SEPTIN9: variants seen among roughly 807,000 people sequenced by gnomAD.
SEPTIN9 encodes septin-9.
Under a neutral mutation model 56.6 loss-of-function variants are expected in SEPTIN9, and 13 were observed. That is an observed-to-expected ratio of 0.23 (90% confidence interval 0.15 to 0.37). The LOEUF (loss-of-function observed/expected upper bound fraction) is 0.37. Among genes scored for constraint, SEPTIN9 ranks in the 10% least tolerant of loss-of-function variants. The pLI is 1.00. For missense variants in SEPTIN9, 650 were observed against 823.1 expected (o/e 0.79, Z 2.57); for synonymous variants, 332 against 334.1 (o/e 0.99, Z 0.07).
Position 77,329,650 on chromosome 17 carries a change from A to G in SEPTIN9, c.76+22453A>G, listed in dbSNP as rs2033272670. 1.3e-5 allele frequency among the ~76,000 whole-genome samples: 2 copies of G among 152,026 alleles called. No individual in the cohort carries two copies. Among genetic ancestry groups the G allele is most frequent in the Non-Finnish European group, 2.9e-5 (2 of 67,982 alleles). On this transcript the variant is annotated intron_variant, in intron 2 of 11. Transcript: ENST00000427177. This position sits in a 1 kb window ranked among gnomAD's most constrained non-coding sequence, Gnocchi z 4.3. ...CAGGGACATGGTGAGCCCTGGTGTG[A>G]TGCACTTAACACCTGCTGGTGCCCC...
At chr17:77,431,754 C>T (rs762482408) in intron 3 of SEPTIN9, among the ~76,000 whole-genome samples, 25 of 147,556 alleles carry the variant, frequency 1.7e-4, no homozygotes, top group Non-Finnish European at 3.1e-4. Flanking sequence ...AGCTTGAGCC[C>T]GGGAGGTAGA....
chr17:77,482,692 G>T, intron 4 of SEPTIN9: 1 of 595,600 alleles, frequency 1.7e-6, no homozygotes, highest in Non-Finnish European at 3.0e-6. Flanking sequence ...CTCCAGCCTG[G>T]CCCTCCAGGC....
chr17:77,373,115 G>A, intron 2 of SEPTIN9: 2 of 880,540 alleles, frequency 2.3e-6, no homozygotes, highest in Non-Finnish European at 2.8e-6. Flanking sequence ...CCTGGGCGCG[G>A]GCCAGGCGGG....
At chr17:77,439,880 G>A (rs774033980) in intron 3 of SEPTIN9, among the ~76,000 whole-genome samples, 5 of 152,198 alleles carry the variant, frequency 3.3e-5, no homozygotes, top group Non-Finnish European at 7.3e-5. Flanking sequence ...CTTGCCGAGT[G>A]CTGCCAAATT....
At chr17:77,344,385 T>C (rs1264714150) in intron 2 of SEPTIN9, among the ~76,000 whole-genome samples, 2 of 152,148 alleles carry the variant, frequency 1.3e-5, no homozygotes, top group African/African-American at 4.8e-5. Context: ...TATGGAGAAA[T>C]TGGAGCCCCG....
chr17:77,319,367 C>T lies in SEPTIN9; in HGVS notation c.76+12170C>T, dbSNP rs902696662. The T allele has an allele frequency of 4.7e-5, 10 of 210,708 alleles. No homozygotes were observed. The highest frequency in any genetic ancestry group is 7.1e-5 in the Non-Finnish European group (8 of 112,540). 13.1% of individuals were successfully genotyped at this position (210,708 alleles called of 1,614,324 possible). On this transcript the variant is annotated intron_variant, in intron 2 of 11. Transcript: ENST00000427177. The surrounding 1 kb of genome is among the most constrained non-coding windows in gnomAD (Gnocchi z 5.3). Reference sequence around the variant, plus strand: ...ATGAACAGTGGGGAACAGCACTGATCCCCCAGTGGGGCCCCGAGTTCCCGG... The same window carrying T: ...ATGAACAGTGGGGAACAGCACTGATTCCCCAGTGGGGCCCCGAGTTCCCGG...
At chr17:77,334,370 C>G (rs1006042366) in intron 2 of SEPTIN9, among the ~76,000 whole-genome samples, 1 of 147,460 alleles carries the variant, frequency 6.8e-6, no homozygotes, top group South Asian at 2.1e-4. Flanking sequence ...TGCAGTGAGC[C>G]GAGATTGCAC....
At chr17:77,376,470 G>A in intron 2 of SEPTIN9, 1 of 918,900 alleles carries the variant, frequency 1.1e-6, no homozygotes, top group Non-Finnish European at 1.3e-6. Context: ...GGGTTCCTGA[G>A]GCCAGCGGAT....
intron 3 of SEPTIN9, among the ~76,000 whole-genome samples, chr17:77,430,717 G>A (rs2037096079): frequency 6.6e-6 from 1 of 152,210 alleles, no homozygotes; most frequent in South Asian, 2.1e-4. Flanking sequence ...CAGGCCGAGG[G>A]TGGTGGCTCA....
chr17:77,404,393 G>A (rs903322132), intron 3 of SEPTIN9, among the ~76,000 whole-genome samples: 6 of 152,092 alleles, frequency 3.9e-5, no homozygotes, highest in East Asian at 1.9e-4. Flanking sequence ...CACAGGTTGC[G>A]CGCCACCATG....
At chr17:77,357,581 ACT>A (rs199605164) in intron 2 of SEPTIN9, among the ~76,000 whole-genome samples, 2,511 of 152,126 alleles carry the variant, frequency 0.017, 60 homozygotes, top group African/African-American at 0.058. Context: ...CTCTGGAATC[ACT>A]GTCAGAAATT....
chr17:77,331,069 T>A (rs1451388129), intron 2 of SEPTIN9, among the ~76,000 whole-genome samples: 1 of 152,176 alleles, frequency 6.6e-6, no homozygotes. Flanking sequence ...GAACTACGGC[T>A]TCAGGCTGGG....
In SEPTIN9 at chr17:77,402,833, C is replaced by G; in HGVS notation, c.721+130C>G. ...TGCTACCCTGGAGACCCAGAAAGAC[C>G]GGAATGCATGGGGGTGGGGGTCTGC... On this transcript the variant is annotated intron_variant, in intron 3 of 11. Coordinates refer to ENST00000427177, the MANE Select transcript of SEPTIN9 (RefSeq NM_001113491.2). The surrounding 1 kb of genome is among the most constrained non-coding windows in gnomAD (Gnocchi z 6.6). 2 of 915,502 alleles carry G rather than the reference C, an allele frequency of 2.2e-6. No individual in the cohort carries two copies. Among genetic ancestry groups the G allele is most frequent in the South Asian group, 1.9e-5 (1 of 52,956 alleles). 56.7% of individuals were successfully genotyped at this position (915,502 alleles called of 1,614,324 possible).
chr17:77,288,541 G>A (rs900960593), intron 1 of SEPTIN9, among the ~76,000 whole-genome samples: 16 of 152,270 alleles, frequency 1.1e-4, no homozygotes, highest in East Asian at 5.8e-4. Flanking sequence ...AACCTGATCC[G>A]CACCCTGGGG....
chr17:77,320,161 C>G, intron 2 of SEPTIN9: 6 of 1,527,510 alleles, frequency 3.9e-6, no homozygotes, highest in Non-Finnish European at 4.4e-6. Flanking sequence ...CGGATGCATT[C>G]GTGATTGCAA....
chr17:77,306,276 G>A (rs1308628099), intron 1 of SEPTIN9, among the ~76,000 whole-genome samples: 1 of 152,196 alleles, frequency 6.6e-6, no homozygotes, highest in Non-Finnish European at 1.5e-5. Context: ...GGTGGGACTG[G>A]GCTGGTTATG....
Position 77,326,520 on chromosome 17 carries a change from A to G in SEPTIN9, c.76+19323A>G, listed in dbSNP as rs1275952289. The stretch of plus-strand genomic sequence containing the variant: ...AGGCGATCGCTGCAGGCAACCGGCA[A>G]TGTGTTCAAAGGCCCTGGGGCGCGG... On this transcript the variant is annotated intron_variant, in intron 2 of 11. Coordinates refer to ENST00000427177, the MANE Select transcript of SEPTIN9 (RefSeq NM_001113491.2). The surrounding 1 kb of genome is among the most constrained non-coding windows in gnomAD (Gnocchi z 5.1). 1.3e-5 allele frequency among the ~76,000 whole-genome samples: 2 copies of G among 152,188 alleles called. No homozygotes were observed. Among genetic ancestry groups the G allele is most frequent in the African/African-American group, 4.8e-5 (2 of 41,444 alleles).
At chr17:77,480,779 C>A (rs1209228938) in intron 3 of SEPTIN9, among the ~76,000 whole-genome samples, 1 of 152,162 alleles carries the variant, frequency 6.6e-6, no homozygotes. Context: ...GCCGTGTGGT[C>A]CCTGTCTTAG....
At chr17:77,480,021 G>A (rs994875897) in intron 3 of SEPTIN9, among the ~76,000 whole-genome samples, 6 of 152,156 alleles carry the variant, frequency 3.9e-5, no homozygotes, top group African/African-American at 9.7e-5. Flanking sequence ...TCTGAAGGGG[G>A]AGCAGGAGCA....
Sources: allele counts gnomAD v4.1 joint callset (sites outside exome capture counted in the v4.1 genomes callset), GRCh38; gene constraint gnomAD v4.1.1; non-coding constraint Gnocchi (gnomAD v3.1); transcripts MANE v1.5; gene names NCBI Gene and HGNC (gene_info 2026-07-23, HGNC 2026-07-21).